MORC2: variants seen among roughly 807,000 people sequenced by gnomAD.
MORC2 encodes the protein MORC family CW-type zinc finger 2, also known as ATPase MORC2.
A neutral mutation model predicts 136.0 loss-of-function variants in MORC2; 30 were observed. That is an observed-to-expected ratio of 0.22 (90% CI 0.17 to 0.30). The LOEUF is 0.30. Among genes scored for constraint, MORC2 ranks in the 10% least tolerant of loss-of-function variants. The probability of loss-of-function intolerance (pLI) is 1.00; values close to 1 mark genes in which losing one functional copy is unlikely to be tolerated. For synonymous variants in MORC2, 439 were observed against 487.0 expected (o/e 0.90, Z 1.30); for missense variants, 922 against 1,333.1 (o/e 0.69, Z 4.80).
intron 1 of MORC2, among the ~76,000 whole-genome samples, chr22:30,965,473 A>C (rs774847210): frequency 5.3e-5 from 8 of 152,234 alleles, no homozygotes; most frequent in Non-Finnish European, 1.2e-4. Context: ...TGAAATTAGA[A>C]ATAAAAAACT....
chr22:30,928,364 G>A, intron 24 of MORC2, 157 bp from the exon 25 acceptor site: 1 of 673,364 alleles, frequency 1.5e-6, no homozygotes, highest in Non-Finnish European at 2.6e-6. Context: ...TTTACGTCCA[G>A]AGTAGAGAGA....
intron 12 of MORC2, among the ~76,000 whole-genome samples, chr22:30,938,735 A>G (rs2040695886): frequency 6.6e-6 from 1 of 152,056 alleles, no homozygotes; most frequent in Non-Finnish European, 1.5e-5. Flanking sequence ...ATGCCCGGCT[A>G]ATTTTTTGTA....
intron 25 of MORC2, among the ~76,000 whole-genome samples, chr22:30,927,173 C>T (rs865943847): frequency 5.3e-5 from 8 of 152,200 alleles, no homozygotes; most frequent in Non-Finnish European, 7.4e-5. Context: ...TCTGTCACTG[C>T]CCAAGGTCCA....
At chr22:30,933,983 A>T in intron 20 of MORC2, 77 bp downstream of exon 20, 3 of 1,500,074 alleles carry the variant, frequency 2.0e-6, no homozygotes, top group Non-Finnish European at 2.7e-6. Flanking sequence ...TAGACTGCTG[A>T]TGGGGGGTGC....
rs75892425 is a variant in MORC2 at position 30,962,464 on chromosome 22, G to A, written c.69-3770C>T. On this transcript the variant is annotated intron_variant, in intron 1 of 25. Coordinates refer to ENST00000397641, the MANE Select transcript of MORC2 (RefSeq NM_001303256.3). ...AAATAAATAAGCCAGGTGTGGTGGT[G>A]TACACCTGTAGTTCCAGCTACTTGA... Among the ~76,000 whole-genome samples the A allele has an allele frequency of 7.0e-4, 106 of 151,980 alleles. 2 individuals are homozygous for A. The East Asian group carries it at 0.013, about 19-fold the overall frequency.
At chr22:30,947,263 T>C (rs539796409) in intron 5 of MORC2, among the ~76,000 whole-genome samples, 14 of 152,224 alleles carry the variant, frequency 9.2e-5, no homozygotes, top group African/African-American at 3.4e-4. Context: ...AAAGTCTGAA[T>C]GGATTCAACT....
chr22:30,950,353 C>CCAAAAAA, intron 4 of MORC2, 24 bp downstream of exon 4: 3 of 1,481,924 alleles, frequency 2.0e-6, no homozygotes, highest in Non-Finnish European at 2.8e-6. Flanking sequence ...CCCCACCCCC[C>CCAAAAAA]AAAACAATAA....
At chr22:30,962,979 CTTTT>C (rs559272102) in intron 1 of MORC2, among the ~76,000 whole-genome samples, 1 of 146,076 alleles carries the variant, frequency 6.8e-6, no homozygotes, top group Non-Finnish European at 1.5e-5. Context: ...AAAAGAAATT[CTTTT>C]TTTTTTTTGA....
At position 30,968,093 on chromosome 22, in the gene MORC2, C is replaced by T. The variant is rs184440213; in HGVS notation, c.-204G>A. On this transcript the variant is annotated 5_prime_UTR_variant, in exon 1 of 26. Transcript: ENST00000397641. ...TTCAAGTGTTTTTTTTTAATCTTCT[C>T]AATGATTTATGATGTAATATTTTGG... The T allele has an allele frequency of 2.0e-5, 11 of 542,444 alleles. No individual in the cohort carries two copies. The East Asian group carries it at 3.2e-4, about 16-fold the overall frequency. The allele number at this position is 542,444 out of a possible 1,614,324, so 33.6% of individuals were successfully genotyped here. A position where few individuals can be genotyped will look rare whatever the true frequency, so the allele number is the denominator to read the frequency against.
chr22:30,957,776 C>A (rs1386776822), intron 2 of MORC2, among the ~76,000 whole-genome samples: 3 of 152,198 alleles, frequency 2.0e-5, no homozygotes, highest in Non-Finnish European at 2.9e-5. Context: ...GGTTAAACAA[C>A]TAGCACACTT....
At chr22:30,967,443 T>G in intron 1 of MORC2, 8 of 995,434 alleles carry the variant, frequency 8.0e-6, no homozygotes, top group Non-Finnish European at 9.6e-6. Flanking sequence ...TAAACCTAAC[T>G]GTTTAGGACG....
chr22:30,955,476 T>C (rs2040952825), intron 3 of MORC2, among the ~76,000 whole-genome samples: 1 of 152,188 alleles, frequency 6.6e-6, no homozygotes. Flanking sequence ...ATTCATCAAA[T>C]CTGGGGCAGA....
At chr22:30,951,129 G>A (rs1206037520) in intron 3 of MORC2, among the ~76,000 whole-genome samples, 2 of 152,210 alleles carry the variant, frequency 1.3e-5, no homozygotes, top group Non-Finnish European at 2.9e-5. Context: ...TTCCTAGCTG[G>A]ACCTGCCTGA....
At chr22:30,950,091 C>T (rs1407400304) in intron 4 of MORC2, among the ~76,000 whole-genome samples, 2 of 152,160 alleles carry the variant, frequency 1.3e-5, no homozygotes, top group African/African-American at 4.8e-5. Context: ...ATCTGTAGGT[C>T]CAGCTCGAGA....
At chr22:30,930,926 C>T (rs757027111) in intron 24 of MORC2, among the ~76,000 whole-genome samples, 2 of 152,202 alleles carry the variant, frequency 1.3e-5, no homozygotes, top group African/African-American at 4.8e-5. Flanking sequence ...AACCTCCACT[C>T]GTCACCTTCA....
chr22:30,931,719 A>G (rs1602476228), intron 24 of MORC2, among the ~76,000 whole-genome samples: 2 of 152,266 alleles, frequency 1.3e-5, no homozygotes, highest in East Asian at 3.9e-4. Flanking sequence ...CCAGGCCACC[A>G]CAGCCCTCCA....
chr22:30,966,488 C>T (rs2041129845), intron 1 of MORC2, among the ~76,000 whole-genome samples: 1 of 152,144 alleles, frequency 6.6e-6, no homozygotes, highest in African/African-American at 2.4e-5. Flanking sequence ...TAGGTGACTG[C>T]TACAGGCCGG....
At chr22:30,952,540 G>A (rs2040905774) in intron 3 of MORC2, among the ~76,000 whole-genome samples, 1 of 152,160 alleles carries the variant, frequency 6.6e-6, no homozygotes, top group Non-Finnish European at 1.5e-5. Flanking sequence ...AGATGACACT[G>A]GGGGGATCCT....
chr22:30,926,888 T>TAGG lies in MORC2; in HGVS notation c.3031-20_3031-18dup. The TAGG allele has an allele frequency of 6.2e-7, 1 of 1,610,910 alleles. No homozygotes were observed. Among genetic ancestry groups the TAGG allele is most frequent in the Non-Finnish European group, 8.5e-7 (1 of 1,177,850 alleles). Reference sequence around the variant, plus strand: ...GTCTATGTCCTGGAATAGAGCAGGGTAGGGATCAACTGGGGGCCAGAAAGT... The same window carrying TAGG: ...GTCTATGTCCTGGAATAGAGCAGGGTAGGAGGGATCAACTGGGGGCCAGAAAGT... On this transcript the variant is annotated splice_polypyrimidine_tract_variant and intron_variant, in intron 25 of 25. Transcript: ENST00000397641.
Sources: gnomAD v4.1 joint callset for allele counts (sites outside exome capture counted in the v4.1 genomes callset) on GRCh38, gnomAD v4.1.1 for gene constraint, MANE v1.5 for transcripts, NCBI Gene and HGNC (gene_info 2026-07-23, HGNC 2026-07-21) for gene names.